Variants in TENM3 observed in about 807,000 individuals in gnomAD.
TENM3 encodes teneurin transmembrane protein 3.
A neutral mutation model predicts 255.1 loss-of-function variants in TENM3; 63 were observed. The observed-to-expected ratio is 0.25, with a 90% confidence interval of 0.20 to 0.30. TENM3 has a LOEUF of 0.30. Ranked by LOEUF, TENM3 falls within the 10% of genes least tolerant of loss-of-function variation. The probability of loss-of-function intolerance (pLI) is 1.00; values close to 1 mark genes in which losing one functional copy is unlikely to be tolerated. For missense variants in TENM3, 2,929 were observed against 3,461.1 expected (o/e 0.85, Z 3.86); for synonymous variants, 1,306 against 1,322.3 (o/e 0.99, Z 0.27).
chr4:182,583,864 T>G (rs919937814), intron 3 of TENM3, among the ~76,000 whole-genome samples: 24 of 152,220 alleles, frequency 1.6e-4, no homozygotes, highest in Admixed American at 6.5e-4. Flanking sequence ...TGCTTGCTAA[T>G]GAAAGCTTTG....
rs941636317 is a variant in TENM3, at chr4:182,801,071, G to C, written c.*720G>C. 1 of 152,696 alleles carries C rather than the reference G, an allele frequency of 6.5e-6. No individual in the cohort carries two copies. The highest frequency in any genetic ancestry group is 2.4e-5 in the African/African-American group (1 of 41,544). The allele number at this position is 152,696 out of a possible 1,614,324, so 9.5% of individuals were successfully genotyped here. ...TACATCAAATCTTAGTCTCAGAGGA[G>C]TTAATTTATGTAAAGTGTTTAAAAA... On this transcript the variant is annotated 3_prime_UTR_variant, in exon 28 of 28. Coordinates refer to ENST00000511685, the MANE Select transcript of TENM3 (RefSeq NM_001080477.4).
At chr4:182,351,618 T>C (rs563204829) in intron 3 of TENM3, among the ~76,000 whole-genome samples, 5 of 152,206 alleles carry the variant, frequency 3.3e-5, no homozygotes, top group Admixed American at 1.3e-4. Context: ...TGGAGAAAGA[T>C]GACCTTTGAT....
At chr4:182,048,216 C>G in the TENM3 span, among the ~76,000 whole-genome samples, 1 of 152,108 alleles carries the variant, frequency 6.6e-6, no homozygotes, top group East Asian at 1.9e-4. Flanking sequence ...GGATACTAAA[C>G]TATGATAAAA....
intron 4 of TENM3, 45 bp downstream of exon 4, chr4:182,601,206 A>G: frequency 6.8e-7 from 1 of 1,465,936 alleles, no homozygotes; most frequent in Admixed American, 1.7e-5. Flanking sequence ...CCCTTTTCTC[A>G]CCAGGAGCAA....
At chr4:181,470,009 G>C in the TENM3 span, among the ~76,000 whole-genome samples, 2 of 150,496 alleles carry the variant, frequency 1.3e-5, no homozygotes, top group Non-Finnish European at 3.0e-5. Context: ...AACATATGCG[G>C]TAATGAAACA....
rs148764635 is a variant in TENM3 at position 182,351,361 on chromosome 4, A to C, written c.511+4432A>C. On this transcript the variant is annotated intron_variant, in intron 3 of 27. Coordinates refer to ENST00000511685, the MANE Select transcript of TENM3 (RefSeq NM_001080477.4). ...GCTTCCCAGAAGCAGCCAGGCATCTATTGTTTTTTGTCATCCAGCCGGTGC... is the reference window on the plus strand; with the variant it reads ...GCTTCCCAGAAGCAGCCAGGCATCTCTTGTTTTTTGTCATCCAGCCGGTGC... 4.5e-3 allele frequency among the ~76,000 whole-genome samples: 683 copies of C among 152,290 alleles called. 5 individuals are homozygous for C. Among genetic ancestry groups the C allele is most frequent in the African/African-American group, 0.016 (653 of 41,558 alleles).
chr4:182,139,196 A>C (rs1749218929), upstream of TENM3, among the ~76,000 whole-genome samples: 1 of 152,200 alleles, frequency 6.6e-6, no homozygotes, highest in Non-Finnish European at 1.5e-5. Flanking sequence ...CCTTTATTAC[A>C]TGCAGAAAAC....
At chr4:181,727,409 C>CA in the TENM3 span, among the ~76,000 whole-genome samples, 19 of 152,248 alleles carry the variant, frequency 1.2e-4, 1 homozygote, top group South Asian at 2.5e-3. Context: ...AATACTTTAA[C>CA]AAAAGATATT....
At chr4:182,671,857 C>CA (rs1218686661) in intron 6 of TENM3, among the ~76,000 whole-genome samples, 1 of 152,070 alleles carries the variant, frequency 6.6e-6, no homozygotes, top group African/African-American at 2.4e-5. Context: ...TTAAAAAAGA[C>CA]AAAGTTGGTA....
At chr4:182,061,372 T>C in the TENM3 span, among the ~76,000 whole-genome samples, 12,595 of 152,118 alleles carry the variant, frequency 0.083, 581 homozygotes, top group Middle Eastern at 0.13. Flanking sequence ...TGTCAGTCAC[T>C]TAAAAATAAA....
the TENM3 span, among the ~76,000 whole-genome samples, chr4:182,033,797 C>T: frequency 6.6e-6 from 1 of 152,180 alleles, no homozygotes; most frequent in Non-Finnish European, 1.5e-5. Flanking sequence ...TAATGCCCTT[C>T]TTTGTCTTTT....
the TENM3 span, among the ~76,000 whole-genome samples, chr4:181,673,166 CCT>C: frequency 1.3e-5 from 2 of 152,118 alleles, no homozygotes; most frequent in African/African-American, 2.4e-5. Context: ...CATGAAATTC[CCT>C]GTTTTATGCG....
intron 3 of TENM3, among the ~76,000 whole-genome samples, chr4:182,449,389 ACT>A (rs1429401634): frequency 2.0e-5 from 3 of 151,800 alleles, no homozygotes; most frequent in Non-Finnish European, 4.4e-5. Context: ...TTTCTCGATG[ACT>A]CTTCGTCACC....
chr4:181,572,381 T>C, the TENM3 span, among the ~76,000 whole-genome samples: 3 of 152,164 alleles, frequency 2.0e-5, no homozygotes, highest in East Asian at 5.8e-4. Context: ...TAAGAAGATA[T>C]ATAAAACATA....
At chr4:181,901,506 T>A in the TENM3 span, among the ~76,000 whole-genome samples, 5 of 152,328 alleles carry the variant, frequency 3.3e-5, no homozygotes, top group African/African-American at 1.2e-4. Context: ...TGATCCTGCC[T>A]ACAAGAATTA....
the TENM3 span, among the ~76,000 whole-genome samples, chr4:181,526,538 G>C: frequency 6.6e-6 from 1 of 152,150 alleles, no homozygotes; most frequent in Non-Finnish European, 1.5e-5. Flanking sequence ...CATTGATTAA[G>C]GGGTTCATCT....
At chr4:181,461,416 A>T in the TENM3 span, among the ~76,000 whole-genome samples, 3 of 152,008 alleles carry the variant, frequency 2.0e-5, no homozygotes, top group South Asian at 6.2e-4. Context: ...AGGGATTATG[A>T]TTTTCTTCAA....
chr4:182,084,201 A>C, the TENM3 span, among the ~76,000 whole-genome samples: 5 of 152,166 alleles, frequency 3.3e-5, no homozygotes, highest in African/African-American at 1.2e-4. Context: ...CTGGGGGGAA[A>C]AAATAAGCTG....
intron 3 of TENM3, among the ~76,000 whole-genome samples, chr4:182,359,250 G>T (rs1047058811): frequency 6.6e-6 from 1 of 152,126 alleles, no homozygotes; most frequent in Non-Finnish European, 1.5e-5. Context: ...AGTTAGGGAG[G>T]ATTCTCTCTT....
Sources: allele counts gnomAD v4.1 joint callset (sites outside exome capture counted in the v4.1 genomes callset), GRCh38; gene constraint gnomAD v4.1.1; transcripts MANE v1.5; gene names NCBI Gene and HGNC (gene_info 2026-07-23, HGNC 2026-07-21).